GRIA1: variants seen among roughly 807,000 people sequenced by gnomAD.
GRIA1 encodes the protein glutamate receptor 1.
A neutral mutation model predicts 99.2 loss-of-function variants in GRIA1; 31 were observed. The ratio of observed to expected loss-of-function variants is 0.31; its 90% CI spans 0.23 to 0.42. The LOEUF (loss-of-function observed/expected upper bound fraction) is 0.42. Ranked by LOEUF, GRIA1 falls within the 10% of genes least tolerant of loss-of-function variation. The probability of loss-of-function intolerance (pLI) is 1.00; values close to 1 mark genes in which losing one functional copy is unlikely to be tolerated. For missense variants in GRIA1, 782 were observed against 1,157.5 expected (o/e 0.68, Z 4.71); for synonymous variants, 438 against 432.4 (o/e 1.01, Z -0.16).
chr5:153,629,607 C>T (rs1009909837), intron 2 of GRIA1, among the ~76,000 whole-genome samples: 3 of 152,224 alleles, frequency 2.0e-5, no homozygotes, highest in Admixed American at 2.0e-4. Context: ...TCCGTGTACA[C>T]ACACTTGGGA....
chr5:153,596,685 ACT>A (rs138970239), intron 2 of GRIA1, among the ~76,000 whole-genome samples: 7,133 of 151,798 alleles, frequency 0.047, 233 homozygotes, highest in Non-Finnish European at 0.071. Flanking sequence ...GACTCTAAAA[ACT>A]CAGTGTTGTG....
intron 13 of GRIA1, among the ~76,000 whole-genome samples, chr5:153,771,186 G>T (rs937325396): frequency 6.6e-6 from 1 of 152,202 alleles, no homozygotes; most frequent in African/African-American, 2.4e-5. Context: ...CCCTTCCTAG[G>T]TCTGAAGTGG....
intron 2 of GRIA1, among the ~76,000 whole-genome samples, chr5:153,518,042 C>T (rs552396555): frequency 6.6e-6 from 1 of 152,298 alleles, no homozygotes; most frequent in South Asian, 2.1e-4. Flanking sequence ...ACTGGCTGTT[C>T]CCTTTGCCTG....
At chr5:153,574,926 C>T (rs1452971884) in intron 2 of GRIA1, among the ~76,000 whole-genome samples, 1 of 152,042 alleles carries the variant, frequency 6.6e-6, no homozygotes, top group African/African-American at 2.4e-5. Flanking sequence ...AGATTTCTAC[C>T]TGTACAATAC....
intron 13 of GRIA1, 51 bp from the exon 14 acceptor site, chr5:153,794,570 T>C (rs982368669): frequency 8.1e-7 from 1 of 1,236,864 alleles, no homozygotes; most frequent in Admixed American, 1.7e-5. Flanking sequence ...CGTGACTTGC[T>C]GAGTGTTCTC....
At chr5:153,496,755 G>A (rs565823565) in intron 2 of GRIA1, among the ~76,000 whole-genome samples, 11 of 152,272 alleles carry the variant, frequency 7.2e-5, no homozygotes, top group African/African-American at 2.4e-4. Flanking sequence ...ACTGATACAT[G>A]GAAAAGCAAG....
At position 153,811,179 on chromosome 5, in the gene GRIA1, G is replaced by C. The variant is rs766349507; in HGVS notation, c.2675G>C (p.Cys892Ser). 1.2e-6 allele frequency: 2 copies of C among 1,614,122 alleles called. No homozygotes were observed. Among genetic ancestry groups the C allele is most frequent in the Admixed American group, 3.3e-5 (2 of 60,030 alleles). The change falls in exon 16 of 16, where the codon TGC (cysteine) becomes TCC (serine). Residue 892 changes from cysteine (C) to serine (S), a missense_variant. Physicochemically the swap from Cys to Ser is moderately radical, Grantham distance 112. Coordinates refer to ENST00000285900, the MANE Select transcript of GRIA1 (RefSeq NM_000827.4). Reference protein sequence around the residue: ...DFPKSMQSIPCMSHSSGMPLG... With the variant: ...DFPKSMQSIPSMSHSSGMPLG... ...CCCAAGTCCATGCAATCGATTCCTT[G>C]CATGAGCCACAGTTCAGGGATGCCC...
At chr5:153,696,878 G>GTGTGTGTGTC (rs1162078567) in intron 8 of GRIA1, among the ~76,000 whole-genome samples, 1 of 152,070 alleles carries the variant, frequency 6.6e-6, no homozygotes, top group East Asian at 1.9e-4. Context: ...GTGTGTGTGT[G>GTGTGTGTGTC]TGTGTATTAG....
At chr5:153,666,613 A>C (rs1238771852) in intron 5 of GRIA1, among the ~76,000 whole-genome samples, 1 of 152,316 alleles carries the variant, frequency 6.6e-6, no homozygotes, top group South Asian at 2.1e-4. Flanking sequence ...TCTGTCCCTC[A>C]CTAGCTATAC....
chr5:153,543,575 A>T (rs1454572650), intron 2 of GRIA1, among the ~76,000 whole-genome samples: 4 of 152,196 alleles, frequency 2.6e-5, no homozygotes, highest in Non-Finnish European at 5.9e-5. Flanking sequence ...GGTTACTTGA[A>T]TGAGGAAGGA....
chr5:153,650,833 C>T (rs543624301), intron 4 of GRIA1, among the ~76,000 whole-genome samples: 44 of 142,016 alleles, frequency 3.1e-4, no homozygotes, highest in African/African-American at 1.0e-3. Context: ...CTGAGGCAGG[C>T]GGATCACCTG....
At chr5:153,702,335 C>T (rs1183219030) in intron 10 of GRIA1, among the ~76,000 whole-genome samples, 3 of 152,214 alleles carry the variant, frequency 2.0e-5, no homozygotes, top group Admixed American at 1.3e-4. Flanking sequence ...GTGAGCTTTG[C>T]AGACAGACAC....
chr5:153,811,236 T>C lies in GRIA1; in HGVS notation c.*11T>C, dbSNP rs368932157. The C allele has an allele frequency of 1.2e-6, 2 of 1,608,694 alleles. No individual in the cohort carries two copies. The highest frequency in any genetic ancestry group is 1.3e-5 in the African/African-American group (1 of 74,944). ...GCCACGGGATTGTAACTGGAGCAGA[T>C]GGAGACCCCTTGGGGAGCAGGCTCG... On this transcript the variant is annotated 3_prime_UTR_variant, in exon 16 of 16. Coordinates refer to ENST00000285900, the MANE Select transcript of GRIA1 (RefSeq NM_000827.4).
chr5:153,510,208 C>G (rs1402178044), intron 2 of GRIA1, among the ~76,000 whole-genome samples: 1 of 152,128 alleles, frequency 6.6e-6, no homozygotes, highest in Non-Finnish European at 1.5e-5. Context: ...AAATATATAG[C>G]TAGTTGCTGC....
chr5:153,566,304 C>CTTTTTTTT (rs55872840), intron 2 of GRIA1, among the ~76,000 whole-genome samples: 532 of 36,540 alleles, frequency 0.015, 122 homozygotes, highest in African/African-American at 0.031. Flanking sequence ...AATTCCCTGC[C>CTTTTTTTT]TTTTTTTTTT....
intron 2 of GRIA1, among the ~76,000 whole-genome samples, chr5:153,635,261 C>T (rs141795933): frequency 3.0e-4 from 46 of 152,290 alleles, no homozygotes; most frequent in African/African-American, 1.1e-3. Flanking sequence ...CTTCATTTAA[C>T]GGATGATTTA....
chr5:153,621,833 G>C (rs1332599381), intron 2 of GRIA1, among the ~76,000 whole-genome samples: 2 of 152,176 alleles, frequency 1.3e-5, no homozygotes, highest in African/African-American at 4.8e-5. Context: ...AAAATTGCAA[G>C]TTCCATCAGC....
intron 2 of GRIA1, among the ~76,000 whole-genome samples, chr5:153,543,747 C>T (rs184109917): frequency 4.6e-5 from 7 of 152,216 alleles, no homozygotes; most frequent in East Asian, 1.9e-4. Flanking sequence ...TCTCTATGTA[C>T]GAGGGCTAAA....
chr5:153,587,058 C>T (rs991945673), intron 2 of GRIA1, among the ~76,000 whole-genome samples: 6 of 152,142 alleles, frequency 3.9e-5, no homozygotes, highest in Admixed American at 1.3e-4. Flanking sequence ...TGGCTACTCA[C>T]CTGGGATGGT....
Sources: gnomAD v4.1 joint callset for allele counts (sites outside exome capture counted in the v4.1 genomes callset) on GRCh38, gnomAD v4.1.1 for gene constraint, MANE v1.5 for transcripts, NCBI Gene and HGNC (gene_info 2026-07-23, HGNC 2026-07-21) for gene names.